The following MAGI2 variants were observed in gnomAD, a reference collection of about 807,000 sequenced individuals.
MAGI2 encodes membrane associated guanylate kinase, WW and PDZ domain containing 2.
A neutral mutation model predicts 133.3 loss-of-function variants in MAGI2; 35 were observed. The ratio of observed to expected loss-of-function variants is 0.26; its 90% CI spans 0.20 to 0.35. MAGI2 has a LOEUF of 0.35. Ranked by LOEUF, MAGI2 falls within the 10% of genes least tolerant of loss-of-function variation. MAGI2 has a pLI of 1.00. For missense variants in MAGI2, 1,636 were observed against 1,863.4 expected (o/e 0.88, Z 2.25); for synonymous variants, 729 against 710.6 (o/e 1.03, Z -0.41).
intron 1 of MAGI2, among the ~76,000 whole-genome samples, chr7:79,007,666 ACTGGCTTATTT>A (rs1807591570): frequency 6.6e-6 from 1 of 152,028 alleles, no homozygotes; most frequent in Non-Finnish European, 1.5e-5. Flanking sequence ...CCCTTTTGTG[ACTGGCTTATTT>A]TACTTAGCAT....
chr7:78,353,209 A>C (rs1362839358), intron 7 of MAGI2, among the ~76,000 whole-genome samples: 1 of 152,234 alleles, frequency 6.6e-6, no homozygotes, highest in Non-Finnish European at 1.5e-5. Context: ...AAAAGACTAC[A>C]CTATTTCAAG....
intron 1 of MAGI2, among the ~76,000 whole-genome samples, chr7:79,342,211 A>G (rs756084055): frequency 6.6e-6 from 1 of 152,224 alleles, no homozygotes; most frequent in East Asian, 1.9e-4. Context: ...AGAAATTTCA[A>G]TTCTTCCCGT....
intron 2 of MAGI2, among the ~76,000 whole-genome samples, chr7:78,774,556 G>T (rs780913918): frequency 1.9e-4 from 29 of 152,074 alleles, no homozygotes; most frequent in Non-Finnish European, 3.5e-4. Flanking sequence ...GGGCCATGTT[G>T]CCTTGTCAGT....
intron 3 of MAGI2, among the ~76,000 whole-genome samples, chr7:78,573,365 A>ATATATATATAT (rs1801906363): frequency 3.4e-5 from 1 of 29,034 alleles, no homozygotes; most frequent in African/African-American, 1.8e-4. Flanking sequence ...GAATCCTGGA[A>ATATATATATAT]ATATATATAT....
intron 12 of MAGI2, among the ~76,000 whole-genome samples, chr7:78,190,771 A>G (rs567685749): frequency 6.6e-6 from 1 of 152,346 alleles, no homozygotes; most frequent in South Asian, 2.1e-4. Flanking sequence ...AGCATTAGGA[A>G]TATTAGCATA....
At chr7:78,633,521 C>G (rs1046041997) in intron 2 of MAGI2, among the ~76,000 whole-genome samples, 3 of 151,872 alleles carry the variant, frequency 2.0e-5, no homozygotes, top group South Asian at 2.1e-4. Context: ...CTGGCTAACA[C>G]GGTGAAACCC....
chr7:78,094,036 T>A (rs1817485032), intron 20 of MAGI2, among the ~76,000 whole-genome samples: 1 of 152,174 alleles, frequency 6.6e-6, no homozygotes, highest in East Asian at 1.9e-4. Context: ...ATATATATAT[T>A]TTTTCCATTG....
At chr7:78,761,903 T>C (rs549305115) in intron 2 of MAGI2, among the ~76,000 whole-genome samples, 19 of 152,032 alleles carry the variant, frequency 1.2e-4, no homozygotes, top group South Asian at 8.3e-4. Flanking sequence ...ACCTCCTCAT[T>C]GCAATAGTGG....
In MAGI2 at chr7:78,440,723, G is replaced by A. The variant is rs576357872; in HGVS notation, c.1045+49038C>T. On this transcript the variant is annotated intron_variant, in intron 6 of 21. Coordinates refer to ENST00000354212, the MANE Select transcript of MAGI2 (RefSeq NM_012301.4). ...TCCCAACACTTTGGGAGGCCAGGGAGGGTAGATCACTTGAGGTCAGGAGTT... is the reference window on the plus strand; with the variant it reads ...TCCCAACACTTTGGGAGGCCAGGGAAGGTAGATCACTTGAGGTCAGGAGTT... Among the ~76,000 whole-genome samples, 28 of 152,284 alleles carry A rather than the reference G, an allele frequency of 1.8e-4. No individual in the cohort carries two copies. In the South Asian group the frequency reaches 2.3e-3, roughly 12 times the overall value.
chr7:78,660,970 G>T (rs1812887622), intron 2 of MAGI2, among the ~76,000 whole-genome samples: 1 of 152,104 alleles, frequency 6.6e-6, no homozygotes, highest in Non-Finnish European at 1.5e-5. Flanking sequence ...TGAGAATCTT[G>T]TTTCTTGAGA....
At chr7:79,394,670 G>C (rs61046785) in intron 1 of MAGI2, among the ~76,000 whole-genome samples, 22,728 of 152,212 alleles carry the variant, frequency 0.15, 1,890 homozygotes, top group East Asian at 0.29. Flanking sequence ...GCTGTGCCAT[G>C]CTTCTTTTCT....
At chr7:78,037,924 T>C (rs1161894809) in intron 21 of MAGI2, among the ~76,000 whole-genome samples, 1 of 152,210 alleles carries the variant, frequency 6.6e-6, no homozygotes, top group Non-Finnish European at 1.5e-5. Flanking sequence ...TGTGTGCACG[T>C]CTGGAGTCTA....
At chr7:78,655,462 A>AC (rs1487919019) in intron 2 of MAGI2, among the ~76,000 whole-genome samples, 2,292 of 149,336 alleles carry the variant, frequency 0.015, 43 homozygotes, top group Non-Finnish European at 0.025. Flanking sequence ...ACCAAAAAAA[A>AC]AAAAAAAAAA....
intron 18 of MAGI2, among the ~76,000 whole-genome samples, chr7:78,131,753 G>A (rs1416920594): frequency 2.6e-5 from 4 of 152,174 alleles, no homozygotes; most frequent in Non-Finnish European, 4.4e-5. Flanking sequence ...TCTTTTTCTG[G>A]AAGTTCAAAG....
intron 3 of MAGI2, among the ~76,000 whole-genome samples, chr7:78,566,665 T>G (rs948068407): frequency 6.6e-6 from 1 of 152,098 alleles, no homozygotes; most frequent in African/African-American, 2.4e-5. Flanking sequence ...CAATATATAA[T>G]ACCATGAATA....
chr7:78,829,454 T>C (rs1790947353), intron 2 of MAGI2, among the ~76,000 whole-genome samples: 1 of 152,118 alleles, frequency 6.6e-6, no homozygotes, highest in South Asian at 2.1e-4. Context: ...TAAAGAGCAC[T>C]GGTAGGATGC....
chr7:78,079,399 TG>T (rs1311919044), intron 20 of MAGI2, among the ~76,000 whole-genome samples: 1 of 152,220 alleles, frequency 6.6e-6, no homozygotes, highest in Non-Finnish European at 1.5e-5. Context: ...GGAATATATC[TG>T]ATACAAAAAT....
chr7:78,921,246 T>C (rs773589323), intron 2 of MAGI2, among the ~76,000 whole-genome samples: 6 of 152,160 alleles, frequency 3.9e-5, no homozygotes, highest in Non-Finnish European at 2.9e-5. Flanking sequence ...TAATCACTTT[T>C]ATGTAGTCTG....
At chr7:78,697,598 T>C (rs1817649369) in intron 2 of MAGI2, among the ~76,000 whole-genome samples, 2 of 152,156 alleles carry the variant, frequency 1.3e-5, no homozygotes, top group African/African-American at 2.4e-5. Flanking sequence ...TGACACATAA[T>C]AGCAATACAA....
Sources: gnomAD v4.1 joint callset for allele counts (sites outside exome capture counted in the v4.1 genomes callset) on GRCh38, gnomAD v4.1.1 for gene constraint, MANE v1.5 for transcripts, NCBI Gene and HGNC (gene_info 2026-07-23, HGNC 2026-07-21) for gene names.